The following SCMH1 variants were observed in gnomAD, a reference collection of about 807,000 sequenced individuals.
The protein encoded by SCMH1 is polycomb protein SCMH1.
Under a neutral mutation model 70.8 loss-of-function variants are expected in SCMH1, and 37 were observed. The ratio of observed to expected loss-of-function variants is 0.52; its 90% confidence interval spans 0.40 to 0.69. The LOEUF is 0.69. Among genes scored for constraint, SCMH1 ranks in the 30% least tolerant of loss-of-function variants. SCMH1 has a pLI of 0.00. For synonymous variants in SCMH1, 292 were observed against 307.4 expected (o/e 0.95, Z 0.52); for missense variants, 607 against 827.3 (o/e 0.73, Z 3.27).
At chr1:41,106,419 G>A (rs1667940864) in intron 8 of SCMH1, among the ~76,000 whole-genome samples, 1 of 151,674 alleles carries the variant, frequency 6.6e-6, no homozygotes, top group South Asian at 2.1e-4. Context: ...AAAGCTCCCT[G>A]AGGCCTCCCC....
At chr1:41,037,392 C>T (rs1434320398) in exon 13 of SCMH1, 1 of 1,614,172 alleles carries the variant, frequency 6.2e-7, no homozygotes, top group Non-Finnish European at 8.5e-7. Flanking sequence ...ACAGCTGAGG[C>T]AGTGCTTGGT....
At chr1:41,207,628 T>A (rs1239377105) in intron 1 of SCMH1, among the ~76,000 whole-genome samples, 1 of 152,156 alleles carries the variant, frequency 6.6e-6, no homozygotes, top group Non-Finnish European at 1.5e-5. Flanking sequence ...ATTAGACAGA[T>A]CAACAAGACA....
intron 11 of SCMH1, among the ~76,000 whole-genome samples, chr1:41,048,142 G>A (rs576351286): frequency 3.3e-5 from 5 of 152,260 alleles, no homozygotes; most frequent in African/African-American, 7.2e-5. Flanking sequence ...AACTGAAACA[G>A]AATCAGGACA....
chr1:41,167,358 G>A (rs1319109177), intron 2 of SCMH1, among the ~76,000 whole-genome samples: 1 of 152,062 alleles, frequency 6.6e-6, no homozygotes, highest in Non-Finnish European at 1.5e-5. Flanking sequence ...GTCTGGCTTT[G>A]GTATCAAGGT....
chr1:41,070,328 C>T (rs1284957434), intron 10 of SCMH1, among the ~76,000 whole-genome samples: 5 of 152,112 alleles, frequency 3.3e-5, no homozygotes, highest in Non-Finnish European at 5.9e-5. Flanking sequence ...AAGGAACACC[C>T]CTAACTGGGA....
chr1:41,225,982 G>T (rs112096554), intron 1 of SCMH1, among the ~76,000 whole-genome samples: 12 of 152,278 alleles, frequency 7.9e-5, no homozygotes, highest in Admixed American at 2.0e-4. Context: ...AGTCCACCCT[G>T]CCTCACCTTG....
At chr1:41,116,789 A>G in intron 7 of SCMH1, 133 bp downstream of exon 7, 1 of 563,954 alleles carries the variant, frequency 1.8e-6, no homozygotes, top group Non-Finnish European at 3.1e-6. Flanking sequence ...TTGCTGCTTC[A>G]TAAGCTACTA....
At chr1:41,189,206 G>A (rs559816697) in intron 1 of SCMH1, among the ~76,000 whole-genome samples, 2 of 152,328 alleles carry the variant, frequency 1.3e-5, no homozygotes, top group East Asian at 3.9e-4. Flanking sequence ...CTGGAGTGCA[G>A]TGGCATGATG....
At chr1:41,232,318 C>T (rs1469608449) in intron 1 of SCMH1, among the ~76,000 whole-genome samples, 1 of 152,164 alleles carries the variant, frequency 6.6e-6, no homozygotes, top group Non-Finnish European at 1.5e-5. Context: ...GGAATCTAGT[C>T]ATATATCTGC....
exon 11 of SCMH1, chr1:41,048,800 C>G: frequency 6.2e-7 from 1 of 1,614,186 alleles, no homozygotes; most frequent in Non-Finnish European, 8.5e-7. Context: ...CACAGAGGCA[C>G]GGGCTGGTCC....
At chr1:41,131,396 C>A (rs961881662) in intron 6 of SCMH1, among the ~76,000 whole-genome samples, 2 of 152,076 alleles carry the variant, frequency 1.3e-5, no homozygotes, top group Admixed American at 6.6e-5. Context: ...AATTTTAGAA[C>A]CAATTTGTCA....
intron 2 of SCMH1, among the ~76,000 whole-genome samples, chr1:41,179,537 C>A (rs1037376964): frequency 2.0e-5 from 3 of 152,094 alleles, no homozygotes; most frequent in African/African-American, 7.2e-5. Flanking sequence ...GGGATATCAC[C>A]ACCAATCCTG....
chr1:41,172,135 T>C (rs1031809931), intron 2 of SCMH1, among the ~76,000 whole-genome samples: 2 of 149,572 alleles, frequency 1.3e-5, no homozygotes, highest in African/African-American at 4.9e-5. Context: ...CAGTGAGCCA[T>C]GTTCATACTA....
chr1:41,166,652 C>A (rs1451322138), intron 2 of SCMH1, among the ~76,000 whole-genome samples: 1 of 113,104 alleles, frequency 8.8e-6, no homozygotes, highest in Non-Finnish European at 1.8e-5. Flanking sequence ...AGAAAGTTCA[C>A]TGTTAGTGTA....
chr1:41,216,366 T>C (rs762576119), intron 1 of SCMH1, among the ~76,000 whole-genome samples: 3 of 152,180 alleles, frequency 2.0e-5, no homozygotes, highest in Non-Finnish European at 4.4e-5. Flanking sequence ...TGTTAAAAGT[T>C]ACAGTCAAGG....
chr1:41,082,982 G>C (rs561608771), intron 8 of SCMH1, among the ~76,000 whole-genome samples: 2 of 152,056 alleles, frequency 1.3e-5, no homozygotes, highest in Non-Finnish European at 2.9e-5. Flanking sequence ...TCTCAAAATA[G>C]TAAGAGCTAT....
intron 8 of SCMH1, among the ~76,000 whole-genome samples, chr1:41,079,799 T>C (rs1659447433): frequency 6.6e-6 from 1 of 152,154 alleles, no homozygotes; most frequent in Non-Finnish European, 1.5e-5. Flanking sequence ...ATCACACCAC[T>C]GCACTTCAGC....
rs955248367 is a variant in SCMH1, at chr1:41,206,444, C to T, written c.-117-20194G>A. Among the ~76,000 whole-genome samples the T allele has an allele frequency of 3.3e-5, 5 of 152,148 alleles. No individual in the cohort carries two copies. In the South Asian group the frequency reaches 1.0e-3, roughly 32 times the overall value. On this transcript the variant is annotated intron_variant, in intron 1 of 14. Coordinates refer to ENST00000337495, the Ensembl canonical transcript of SCMH1. Reference sequence around the variant, plus strand: ...TTTGACCAAGTGGAAGAAAGGATATCAGTGATTGAAGATCAAATTAATGAA... The same window carrying T: ...TTTGACCAAGTGGAAGAAAGGATATTAGTGATTGAAGATCAAATTAATGAA...
intron 6 of SCMH1, among the ~76,000 whole-genome samples, chr1:41,126,298 A>C (rs749662109): frequency 6.6e-6 from 1 of 152,154 alleles, no homozygotes. Flanking sequence ...TTGAATTAAT[A>C]GTTTTTTCAA....
Sources: gnomAD v4.1 joint callset for allele counts (sites outside exome capture counted in the v4.1 genomes callset) on GRCh38, gnomAD v4.1.1 for gene constraint, MANE v1.5 for transcripts, NCBI Gene and HGNC (gene_info 2026-07-23, HGNC 2026-07-21) for gene names.